ADAMTSL1: variants seen among roughly 807,000 people sequenced by gnomAD.
The protein encoded by ADAMTSL1 is ADAMTS-like protein 1.
In ADAMTSL1, 126 loss-of-function variants were observed where a neutral mutation model predicts 201.8. The observed-to-expected ratio is 0.62, with a 90% confidence interval of 0.54 to 0.72. The LOEUF (loss-of-function observed/expected upper bound fraction) is 0.72. ADAMTSL1 is among the 30% of genes least tolerant of loss of function. ADAMTSL1 has a pLI of 0.00. For missense variants in ADAMTSL1, 2,679 were observed against 2,277.8 expected, an observed-to-expected ratio of 1.18 and a Z score of -3.59; for synonymous variants, 1,121 against 903.4, an observed-to-expected ratio of 1.24 and a Z score of -4.32.
intron 23 of ADAMTSL1, among the ~76,000 whole-genome samples, chr9:18,865,184 T>A (rs1033788260): frequency 6.6e-6 from 1 of 151,926 alleles, no homozygotes; most frequent in Non-Finnish European, 1.5e-5. Flanking sequence ...ATGCTATCCC[T>A]CCCCGCTCCC....
intron 1 of ADAMTSL1, among the ~76,000 whole-genome samples, chr9:17,915,458 A>C (rs1210403927): frequency 6.6e-6 from 1 of 152,226 alleles, no homozygotes; most frequent in African/African-American, 2.4e-5. Context: ...GTCCATCAGC[A>C]TTCACCTATT....
chr9:17,989,973 T>C (rs549601866), intron 1 of ADAMTSL1, among the ~76,000 whole-genome samples: 1 of 151,686 alleles, frequency 6.6e-6, no homozygotes, highest in Admixed American at 6.6e-5. Flanking sequence ...ATCTTCTTGA[T>C]GTAAGAACAA....
At chr9:18,760,387 A>T (rs944812158) in intron 16 of ADAMTSL1, among the ~76,000 whole-genome samples, 6 of 152,070 alleles carry the variant, frequency 3.9e-5, no homozygotes, top group African/African-American at 1.5e-4. Flanking sequence ...CTTGGTATTG[A>T]TGATTCTTTA....
intron 16 of ADAMTSL1, among the ~76,000 whole-genome samples, chr9:18,756,973 C>T (rs936161775): frequency 2.6e-5 from 4 of 152,234 alleles, no homozygotes; most frequent in Non-Finnish European, 5.9e-5. Flanking sequence ...AATATTTACA[C>T]ATTCTGCAGG....
intron 2 of ADAMTSL1, among the ~76,000 whole-genome samples, chr9:18,233,399 A>G (rs1243263611): frequency 1.3e-5 from 2 of 152,234 alleles, no homozygotes; most frequent in Non-Finnish European, 2.9e-5. Context: ...ATAAGTATAT[A>G]AAGATAAGAT....
chr9:18,352,366 G>A (rs991542909), intron 2 of ADAMTSL1, among the ~76,000 whole-genome samples: 12 of 152,180 alleles, frequency 7.9e-5, no homozygotes, highest in African/African-American at 2.4e-4. Context: ...CTTTGGATAA[G>A]GATGTTGTTC....
chr9:18,608,496 A>T (rs1283884896), intron 4 of ADAMTSL1, among the ~76,000 whole-genome samples: 2 of 152,072 alleles, frequency 1.3e-5, no homozygotes, highest in Non-Finnish European at 2.9e-5. Flanking sequence ...GGGAAAATGT[A>T]TGCAGTCCTT....
chr9:18,252,752 T>C (rs1418821224), intron 2 of ADAMTSL1, among the ~76,000 whole-genome samples: 1 of 152,178 alleles, frequency 6.6e-6, no homozygotes, highest in Non-Finnish European at 1.5e-5. Flanking sequence ...TATCTATTCC[T>C]GGTAAGAATG....
intron 2 of ADAMTSL1, among the ~76,000 whole-genome samples, chr9:18,292,284 G>C (rs78467684): frequency 1.1e-3 from 163 of 152,220 alleles, no homozygotes; most frequent in African/African-American, 3.8e-3. Flanking sequence ...TGAACAGCAG[G>C]TAATTGGCAG....
intron 7 of ADAMTSL1, among the ~76,000 whole-genome samples, chr9:18,641,427 C>T (rs1287848389): frequency 6.6e-6 from 1 of 152,050 alleles, no homozygotes; most frequent in African/African-American, 2.4e-5. Context: ...ATTATACCCA[C>T]AAGGAAACTT....
intron 23 of ADAMTSL1, among the ~76,000 whole-genome samples, chr9:18,853,358 T>A (rs1433521710): frequency 6.6e-6 from 1 of 151,756 alleles, no homozygotes; most frequent in African/African-American, 2.4e-5. Context: ...GAGTCTAGGG[T>A]TTTTCAAGGA....
At chr9:18,314,572 T>C (rs1375567644) in intron 2 of ADAMTSL1, among the ~76,000 whole-genome samples, 1 of 151,786 alleles carries the variant, frequency 6.6e-6, no homozygotes, top group Non-Finnish European at 1.5e-5. Flanking sequence ...TCCTCCCGTC[T>C]GGAGTTGTTC....
intron 2 of ADAMTSL1, among the ~76,000 whole-genome samples, chr9:18,286,037 C>T (rs1021232094): frequency 6.6e-6 from 1 of 151,864 alleles, no homozygotes; most frequent in Non-Finnish European, 1.5e-5. Context: ...GTTACTTTCT[C>T]TCTCTCTCTC....
intron 1 of ADAMTSL1, among the ~76,000 whole-genome samples, chr9:18,066,813 A>C (rs552019969): frequency 3.9e-4 from 59 of 152,240 alleles, no homozygotes; most frequent in Non-Finnish European, 6.3e-4. Flanking sequence ...AGCCATAAAA[A>C]ATGATGAGTT....
At chr9:17,986,608 G>T (rs1412409217) in intron 1 of ADAMTSL1, among the ~76,000 whole-genome samples, 2 of 152,026 alleles carry the variant, frequency 1.3e-5, no homozygotes, top group African/African-American at 4.8e-5. Flanking sequence ...TTTTAAAAAG[G>T]ATAGGCAAGG....
rs1040303367 is a variant in ADAMTSL1, at chr9:18,307,415, C to G, written c.207+143434C>G. ...CAGACTGGAAAATTGGATAAAGGGT[C>G]AAGACCCATCGGTGTGCCGTATTCA... On this transcript the variant is annotated intron_variant, in intron 2 of 29. Transcript: ENST00000680146. Among the ~76,000 whole-genome samples the G allele has an allele frequency of 2.6e-4, 39 of 152,016 alleles. 1 individual carries two copies. The highest frequency in any genetic ancestry group is 8.8e-5 in the Non-Finnish European group (6 of 68,020).
At chr9:18,474,097 A>G, upstream of ADAMTSL1, 3 of 495,806 alleles carry the variant, frequency 6.1e-6, no homozygotes, top group Admixed American at 2.8e-5. Flanking sequence ...CCCCTCGGTC[A>G]GGAAATGTGA....
intron 1 of ADAMTSL1, among the ~76,000 whole-genome samples, chr9:17,995,451 T>C (rs1376405329): frequency 1.3e-5 from 2 of 152,148 alleles, no homozygotes; most frequent in Non-Finnish European, 1.5e-5. Flanking sequence ...AGTAAAGTTA[T>C]AATGAACTGA....
At chr9:18,214,595 G>C (rs1829996852) in intron 2 of ADAMTSL1, among the ~76,000 whole-genome samples, 2 of 152,114 alleles carry the variant, frequency 1.3e-5, no homozygotes, top group South Asian at 4.1e-4. Flanking sequence ...GTTCCACAAA[G>C]AAAGAATTGA....
Sources: gnomAD v4.1 joint callset for allele counts (sites outside exome capture counted in the v4.1 genomes callset) on GRCh38, gnomAD v4.1.1 for gene constraint, MANE v1.5 for transcripts, NCBI Gene and HGNC (gene_info 2026-07-23, HGNC 2026-07-21) for gene names.